MTTP: variants seen among roughly 807,000 people sequenced by gnomAD.
MTTP encodes microsomal triglyceride transfer protein.
In MTTP, 49 loss-of-function variants were observed where a neutral mutation model predicts 90.6. The ratio of observed to expected loss-of-function variants is 0.54; its 90% CI spans 0.43 to 0.69. The LOEUF is 0.69. MTTP is among the 30% of genes least tolerant of loss of function. The pLI is 0.00. For missense variants in MTTP, 945 were observed against 1,067.5 expected (o/e 0.89, Z 1.60); for synonymous variants, 347 against 384.2 (o/e 0.90, Z 1.13).
intron 15 of MTTP, among the ~76,000 whole-genome samples, chr4:99,615,880 A>G (rs922435549): frequency 6.6e-6 from 1 of 152,246 alleles, no homozygotes; most frequent in Non-Finnish European, 1.5e-5. Context: ...CAAGAGGATC[A>G]AAGAGGTCAC....
At chr4:99,565,542 ATT>A (rs2110202020) in intron 1 of MTTP, among the ~76,000 whole-genome samples, 1 of 152,316 alleles carries the variant, frequency 6.6e-6, no homozygotes, top group East Asian at 1.9e-4. Flanking sequence ...GTATTTATTT[ATT>A]TGACACATGT....
At chr4:99,576,182 T>C (rs1724952307) in intron 1 of MTTP, among the ~76,000 whole-genome samples, 1 of 152,168 alleles carries the variant, frequency 6.6e-6, no homozygotes, top group Non-Finnish European at 1.5e-5. Context: ...TTATAAATTA[T>C]ATCTGACTGA....
chr4:99,596,454 CA>C (rs1264045707), intron 7 of MTTP, among the ~76,000 whole-genome samples: 1 of 151,954 alleles, frequency 6.6e-6, no homozygotes, highest in Non-Finnish European at 1.5e-5. Flanking sequence ...TTTAAAACCG[CA>C]ATAGAATAAC....
chr4:99,610,468 C>A (rs1725923466), intron 12 of MTTP, among the ~76,000 whole-genome samples: 1 of 152,082 alleles, frequency 6.6e-6, no homozygotes, highest in African/African-American at 2.4e-5. Context: ...GACCTAGGAC[C>A]AGATTTCTAT....
chr4:99,591,997 A>G (rs1041819604), intron 6 of MTTP, among the ~76,000 whole-genome samples: 4 of 152,112 alleles, frequency 2.6e-5, no homozygotes. Flanking sequence ...ACAAACCTAG[A>G]TGGCATAGCC....
chr4:99,578,499 C>T (rs537066826), intron 1 of MTTP, among the ~76,000 whole-genome samples: 3 of 152,120 alleles, frequency 2.0e-5, no homozygotes, highest in Non-Finnish European at 2.9e-5. Flanking sequence ...TTATTTGAAC[C>T]GTTTTAGGCT....
chr4:99,596,200 T>C (rs979537046), intron 7 of MTTP, among the ~76,000 whole-genome samples: 1 of 151,970 alleles, frequency 6.6e-6, no homozygotes, highest in Non-Finnish European at 1.5e-5. Context: ...AAAAAAAGGA[T>C]CCATTGCTTA....
upstream of MTTP, among the ~76,000 whole-genome samples, chr4:99,571,420 A>G (rs995354811): frequency 2.6e-5 from 4 of 151,924 alleles, no homozygotes; most frequent in Non-Finnish European, 5.9e-5. Flanking sequence ...GTTTACATCA[A>G]TTCTCTCCTT....
chr4:99,615,929 A>C (rs932959966), intron 15 of MTTP, among the ~76,000 whole-genome samples: 2 of 152,250 alleles, frequency 1.3e-5, no homozygotes, highest in Admixed American at 1.3e-4. Context: ...CCTCTAGTTC[A>C]TAGGAAAGAA....
At chr4:99,613,822 C>T (rs567532901) in intron 15 of MTTP, among the ~76,000 whole-genome samples, 63 of 152,160 alleles carry the variant, frequency 4.1e-4, no homozygotes, top group African/African-American at 1.5e-3. Context: ...ATTTAAGTGG[C>T]CAAGATACTG....
chr4:99,565,104 G>A (rs1227922496), intron 1 of MTTP, among the ~76,000 whole-genome samples: 11 of 152,212 alleles, frequency 7.2e-5, no homozygotes, highest in Admixed American at 7.2e-4. Context: ...TGAGGGCAAA[G>A]AGTAGCTGAG....
In MTTP at chr4:99,613,602, C is replaced by T. The variant is rs375839066; in HGVS notation, c.2217+462C>T. Among the ~76,000 whole-genome samples the T allele has an allele frequency of 7.2e-5, 11 of 152,164 alleles. 1 individual carries two copies. Among genetic ancestry groups the T allele is most frequent in the African/African-American group, 1.7e-4 (7 of 41,440 alleles). ...AAATTAGTAGAGGCACAAGCAACCA[C>T]GGCCATGAGCCACATGCAAGAAATC... On this transcript the variant is annotated intron_variant, in intron 15 of 17. Coordinates refer to ENST00000265517, the MANE Select transcript of MTTP (RefSeq NM_001386140.1).
chr4:99,581,526 C>T (rs961546745), intron 1 of MTTP, among the ~76,000 whole-genome samples: 19 of 152,202 alleles, frequency 1.2e-4, no homozygotes, highest in African/African-American at 2.6e-4. Flanking sequence ...ACGTTAATTA[C>T]GAATGGCTCA....
intron 17 of MTTP, 143 bp from the exon 18 acceptor site, chr4:99,622,534 T>A: frequency 1.2e-6 from 1 of 816,718 alleles, no homozygotes; most frequent in Non-Finnish European, 2.0e-6. Flanking sequence ...AATCACCCAT[T>A]CATGGAGTAG....
chr4:99,609,096 AAGAGTGCC>A, intron 12 of MTTP, 119 bp downstream of exon 12: 1 of 1,019,240 alleles, frequency 9.8e-7, no homozygotes, highest in Non-Finnish European at 1.5e-6. Flanking sequence ...CATAAAACCA[AAGAGTGCC>A]AGATTTCCCA....
chr4:99,608,945 T>C lies in MTTP; in HGVS notation c.1737T>C (p.Val579=). 6.2e-7 allele frequency: 1 copy of C among 1,614,186 alleles called. No individual in the cohort carries two copies. Among genetic ancestry groups the C allele is most frequent in the Non-Finnish European group, 8.5e-7 (1 of 1,180,016 alleles). The part of the protein sequence containing the change: ...QEMNKYMLAI[V]QDILRFEMPA... ...TGAATAAATACATGCTCGCCATTGTTCAAGACATCCTACGTTTTGAAATGC... is the reference window on the plus strand; with the variant it reads ...TGAATAAATACATGCTCGCCATTGTCCAAGACATCCTACGTTTTGAAATGC... Residue 579 remains valine (V), a synonymous_variant, in exon 12 of 18, where the codon GTT becomes GTC. Transcript: ENST00000265517.
intron 11 of MTTP, 49 bp downstream of exon 11, chr4:99,607,009 GCATGCTGAA>G (rs1725834920): frequency 7.2e-7 from 1 of 1,385,926 alleles, no homozygotes; most frequent in African/African-American, 1.4e-5. Context: ...AAAAAAAAAA[GCATGCTGAA>G]CATGAGTCAA....
rs571915395 is a variant in MTTP at position 99,589,439 on chromosome 4, C to T, written c.394-204C>T. ...CCCATCATGCAAGAGCCTTCATTAT[C>T]GGTCTCCCTAAACTTCATATTCTGA... is the stretch of plus-strand genomic sequence containing the variant. On this transcript the variant is annotated intron_variant, in intron 3 of 17. Transcript: ENST00000265517. 1.3e-4 allele frequency among the ~76,000 whole-genome samples: 20 copies of T among 152,130 alleles called. No individual in the cohort carries two copies. The East Asian group carries it at 3.5e-3, about 27-fold the overall frequency.
chr4:99,577,722 T>C (rs1725004186), intron 1 of MTTP, among the ~76,000 whole-genome samples: 1 of 152,010 alleles, frequency 6.6e-6, no homozygotes, highest in Non-Finnish European at 1.5e-5. Flanking sequence ...AGAGCACATC[T>C]ATATGATTTG....
Sources: gnomAD v4.1 joint callset for allele counts (sites outside exome capture counted in the v4.1 genomes callset) on GRCh38, gnomAD v4.1.1 for gene constraint, MANE v1.5 for transcripts, NCBI Gene and HGNC (gene_info 2026-07-23, HGNC 2026-07-21) for gene names.